The following NKAIN2 variants were observed in gnomAD, a reference collection of about 807,000 sequenced individuals.
The protein encoded by NKAIN2 is sodium/potassium transporting ATPase interacting 2.
A neutral mutation model predicts 32.6 loss-of-function variants in NKAIN2; 14 were observed. The observed-to-expected ratio is 0.43, with a 90% CI of 0.28 to 0.67. NKAIN2 has a LOEUF of 0.67. Among genes scored for constraint, NKAIN2 ranks in the 30% least tolerant of loss-of-function variants. The probability of loss-of-function intolerance (pLI) is 0.17; values close to 1 mark genes in which losing one functional copy is unlikely to be tolerated. For missense variants in NKAIN2, 198 were observed against 258.3 expected (o/e 0.77, Z 1.60); for synonymous variants, 80 against 87.2 (o/e 0.92, Z 0.46).
chr6:123,948,819 G>A (rs1251855407), intron 1 of NKAIN2, among the ~76,000 whole-genome samples: 1 of 151,630 alleles, frequency 6.6e-6, no homozygotes. Flanking sequence ...TCAGGTCTTA[G>A]CGATAAAATG....
chr6:124,601,204 G>C (rs1782293567), intron 3 of NKAIN2, among the ~76,000 whole-genome samples: 1 of 152,058 alleles, frequency 6.6e-6, no homozygotes, highest in Non-Finnish European at 1.5e-5. Flanking sequence ...CTTTAAAAAG[G>C]TTACAAGTAT....
intron 3 of NKAIN2, among the ~76,000 whole-genome samples, chr6:124,561,750 C>A (rs544547134): frequency 6.6e-6 from 1 of 152,226 alleles, no homozygotes; most frequent in South Asian, 2.1e-4. Flanking sequence ...AGAAGACCAG[C>A]CTTATACTGT....
intron 1 of NKAIN2, among the ~76,000 whole-genome samples, chr6:124,104,218 T>A (rs1053663499): frequency 1.3e-5 from 2 of 152,208 alleles, no homozygotes; most frequent in African/African-American, 4.8e-5. Context: ...CTCATCCAAA[T>A]TTATAACCTT....
At chr6:124,082,647 A>G (rs112042873) in intron 1 of NKAIN2, among the ~76,000 whole-genome samples, 1 of 152,074 alleles carries the variant, frequency 6.6e-6, no homozygotes, top group Non-Finnish European at 1.5e-5. Flanking sequence ...TAAAAAAAAA[A>G]GATCTTTAAT....
intron 1 of NKAIN2, among the ~76,000 whole-genome samples, chr6:123,862,730 G>C (rs1775833145): frequency 6.6e-6 from 1 of 151,948 alleles, no homozygotes; most frequent in East Asian, 1.9e-4. Context: ...CTCATAACCT[G>C]TCTCCATGTT....
intron 1 of NKAIN2, among the ~76,000 whole-genome samples, chr6:124,271,318 G>T (rs531450033): frequency 6.6e-6 from 1 of 152,102 alleles, no homozygotes; most frequent in African/African-American, 2.4e-5. Flanking sequence ...CCGGGTTCAC[G>T]CCATTCTCCT....
At chr6:124,409,752 A>C (rs1412216673) in intron 3 of NKAIN2, among the ~76,000 whole-genome samples, 2 of 152,170 alleles carry the variant, frequency 1.3e-5, no homozygotes, top group Admixed American at 1.3e-4. Context: ...TGATTGGAAT[A>C]GTTTCAGAAG....
At chr6:124,735,944 G>A (rs374720997) in intron 4 of NKAIN2, among the ~76,000 whole-genome samples, 69 of 151,918 alleles carry the variant, frequency 4.5e-4, no homozygotes, top group African/African-American at 1.6e-3. Context: ...TCAAGTGAAA[G>A]GTAGAGCCAA....
intron 4 of NKAIN2, among the ~76,000 whole-genome samples, chr6:124,687,430 T>C (rs1321084164): frequency 7.9e-4 from 1 of 1,262 alleles, no homozygotes; most frequent in Non-Finnish European, 1.4e-3. Context: ...ATTCCATGTA[T>C]ACCATATACA....
chr6:124,025,899 C>T (rs1477265088), intron 1 of NKAIN2, among the ~76,000 whole-genome samples: 1 of 152,130 alleles, frequency 6.6e-6, no homozygotes, highest in African/African-American at 2.4e-5. Context: ...GCCTTTCTCC[C>T]CTGAAACAAG....
chr6:123,889,245 T>C (rs1773880321), intron 1 of NKAIN2, among the ~76,000 whole-genome samples: 2 of 152,064 alleles, frequency 1.3e-5, no homozygotes, highest in Admixed American at 1.3e-4. Context: ...CTAGGGGGCA[T>C]TGTGACTTGA....
chr6:124,407,546 T>A lies in NKAIN2; in HGVS notation c.273+52199T>A, dbSNP rs569918861. ...GAACTCATCATTTTTTATGGCTTCA[T>A]AGTATTCCATGGTGTATATGTGCCA... On this transcript the variant is annotated intron_variant, in intron 3 of 6. Transcript: ENST00000368417. Among the ~76,000 whole-genome samples, 1,082 of 152,284 alleles carry A rather than the reference T, an allele frequency of 7.1e-3. 8 individuals are homozygous for A. Among genetic ancestry groups the A allele is most frequent in the African/African-American group, 0.025 (1,046 of 41,538 alleles).
intron 4 of NKAIN2, among the ~76,000 whole-genome samples, chr6:124,706,474 T>C (rs1775070879): frequency 6.6e-6 from 1 of 151,816 alleles, no homozygotes. Flanking sequence ...GCTGAGACAG[T>C]TTCTTGCTCC....
intron 1 of NKAIN2, among the ~76,000 whole-genome samples, chr6:124,021,494 A>C (rs913448068): frequency 6.6e-6 from 1 of 151,936 alleles, no homozygotes; most frequent in Non-Finnish European, 1.5e-5. Context: ...ACATCTCTTC[A>C]TATTTTAGTA....
chr6:124,812,052 A>C (rs946493183), intron 5 of NKAIN2, among the ~76,000 whole-genome samples: 1 of 152,170 alleles, frequency 6.6e-6, no homozygotes, highest in South Asian at 2.1e-4. Context: ...AAGATTGGTA[A>C]CACTCGATAG....
intron 5 of NKAIN2, among the ~76,000 whole-genome samples, chr6:124,796,479 G>A (rs774442725): frequency 6.6e-6 from 1 of 152,106 alleles, no homozygotes; most frequent in Non-Finnish European, 1.5e-5. Flanking sequence ...CGTGTGTCCT[G>A]GACACTTGAA....
At chr6:124,076,317 A>G (rs764016027) in intron 1 of NKAIN2, among the ~76,000 whole-genome samples, 4 of 152,172 alleles carry the variant, frequency 2.6e-5, no homozygotes, top group Non-Finnish European at 4.4e-5. Context: ...TAGTCTTGCA[A>G]TTAAGGAGGG....
At chr6:124,439,523 T>C (rs1336228209) in intron 3 of NKAIN2, among the ~76,000 whole-genome samples, 1 of 152,054 alleles carries the variant, frequency 6.6e-6, no homozygotes, top group Non-Finnish European at 1.5e-5. Flanking sequence ...TCTTAAATAC[T>C]TTCCCACTAT....
chr6:124,660,930 T>A lies in NKAIN2; in HGVS notation c.474+2544T>A, dbSNP rs369290032. On this transcript the variant is annotated intron_variant, in intron 4 of 6. Transcript: ENST00000368417. ...TTCCTATCTTCATTCTGATCACTGA[T>A]GTAATGATTAATTGATGAAATAGTG... Among the ~76,000 whole-genome samples the A allele has an allele frequency of 4.0e-4, 61 of 152,356 alleles. 1 individual carries two copies. Among genetic ancestry groups the A allele is most frequent in the Middle Eastern group, 3.4e-3 (1 of 294 alleles).
Sources: gnomAD v4.1 joint callset for allele counts (sites outside exome capture counted in the v4.1 genomes callset) on GRCh38, gnomAD v4.1.1 for gene constraint, MANE v1.5 for transcripts, NCBI Gene and HGNC (gene_info 2026-07-23, HGNC 2026-07-21) for gene names.